The following DCC variants were observed in gnomAD, a reference collection of about 807,000 sequenced individuals.
DCC encodes netrin receptor DCC.
A neutral mutation model predicts 172.5 loss-of-function variants in DCC; 58 were observed. The ratio of observed to expected loss-of-function variants is 0.34; its 90% CI spans 0.27 to 0.42. DCC has a LOEUF of 0.42. Ranked by LOEUF, DCC falls within the 10% of genes least tolerant of loss-of-function variation. The pLI is 1.00. For missense variants in DCC, 1,740 were observed against 1,791.0 expected, an observed-to-expected ratio of 0.97 and a Z score of 0.51; for synonymous variants, 709 against 644.5, an observed-to-expected ratio of 1.10 and a Z score of -1.52.
chr18:52,752,976 G>A (rs2037020497), intron 2 of DCC, among the ~76,000 whole-genome samples: 1 of 150,032 alleles, frequency 6.7e-6, no homozygotes, highest in South Asian at 2.1e-4. Context: ...GTGTGTGTAT[G>A]TATATCATAT....
chr18:52,808,465 A>C lies in DCC; in HGVS notation c.412+56091A>C, dbSNP rs187652929. The stretch of plus-strand genomic sequence containing the variant: ...TCTCAATATCATAGATTGAACTATA[A>C]ATCTTGTCATGAAAAACAAAAGACA... On this transcript the variant is annotated intron_variant, in intron 2 of 28. Coordinates refer to ENST00000442544, the MANE Select transcript of DCC (RefSeq NM_005215.4). 1.4e-3 allele frequency among the ~76,000 whole-genome samples: 210 copies of C among 152,262 alleles called. 2 individuals carry two copies. The highest frequency in any genetic ancestry group is 2.4e-3 in the Non-Finnish European group (160 of 68,026).
At chr18:53,329,673 A>T (rs2057508814) in intron 14 of DCC, among the ~76,000 whole-genome samples, 1 of 152,196 alleles carries the variant, frequency 6.6e-6, no homozygotes, top group African/African-American at 2.4e-5. Context: ...GTTATTTCCA[A>T]ATCAATGAAT....
intron 2 of DCC, among the ~76,000 whole-genome samples, chr18:52,845,418 C>T (rs773350126): frequency 3.3e-5 from 5 of 152,200 alleles, no homozygotes; most frequent in Middle Eastern, 3.2e-3. Flanking sequence ...CATCATAATG[C>T]AATGCCTAGC....
At chr18:52,739,736 C>G (rs981140348) in intron 1 of DCC, among the ~76,000 whole-genome samples, 1 of 152,196 alleles carries the variant, frequency 6.6e-6, no homozygotes, top group Non-Finnish European at 1.5e-5. Context: ...ATGTGAATGC[C>G]GTCGGCACTG....
chr18:52,518,331 G>A (rs1470396790), intron 1 of DCC, among the ~76,000 whole-genome samples: 2 of 152,208 alleles, frequency 1.3e-5, no homozygotes, highest in Admixed American at 1.3e-4. Context: ...CCAAGGAAAG[G>A]TGGAACCCAG....
At chr18:53,093,159 G>A (rs1265728171) in intron 7 of DCC, among the ~76,000 whole-genome samples, 1 of 152,102 alleles carries the variant, frequency 6.6e-6, no homozygotes, top group African/African-American at 2.4e-5. Context: ...GTGCATGCCT[G>A]TAATCCCAGT....
At chr18:52,589,191 G>A (rs1568243310) in intron 1 of DCC, among the ~76,000 whole-genome samples, 1 of 152,120 alleles carries the variant, frequency 6.6e-6, no homozygotes, top group South Asian at 2.1e-4. Context: ...TTAGGATCTG[G>A]GGGGTCAGTG....
intron 1 of DCC, among the ~76,000 whole-genome samples, chr18:52,595,134 T>G (rs2033880644): frequency 6.6e-6 from 1 of 152,192 alleles, no homozygotes; most frequent in Non-Finnish European, 1.5e-5. Flanking sequence ...ACAAAAAAGT[T>G]ATGGTCCTTC....
At position 52,923,682 on chromosome 18, in the gene DCC, ATGATAC is replaced by A; in HGVS notation, c.698-22_698-17del. Reference sequence around the variant, plus strand: ...CTTTGCAATGTTTTTCATATATCATATGATACTGTGTTTTCCCCTCATAGATCCAGG... The same window carrying A: ...CTTTGCAATGTTTTTCATATATCATATGTGTTTTCCCCTCATAGATCCAGG... On this transcript the variant is annotated intron_variant, in intron 3 of 28. Transcript: ENST00000442544. The A allele has an allele frequency of 6.4e-7, 1 of 1,557,178 alleles. No homozygotes were observed. Among genetic ancestry groups the A allele is most frequent in the South Asian group, 1.1e-5 (1 of 89,866 alleles).
intron 1 of DCC, among the ~76,000 whole-genome samples, chr18:52,732,544 C>T (rs1292272909): frequency 2.0e-5 from 3 of 152,200 alleles, no homozygotes; most frequent in African/African-American, 7.2e-5. Context: ...TCTTTTCCCA[C>T]TGTCTATGGC....
At chr18:52,563,726 C>T (rs575051660) in intron 1 of DCC, among the ~76,000 whole-genome samples, 1 of 152,270 alleles carries the variant, frequency 6.6e-6, no homozygotes, top group South Asian at 2.1e-4. Context: ...TTCCCTGGAA[C>T]TATATAGAAC....
At chr18:52,420,613 G>A (rs1157100492) in intron 1 of DCC, among the ~76,000 whole-genome samples, 3 of 152,246 alleles carry the variant, frequency 2.0e-5, no homozygotes, top group Non-Finnish European at 1.5e-5. Flanking sequence ...CCCAGACAAG[G>A]CCAGAAATTT....
chr18:53,518,625 T>G (rs758864322), intron 27 of DCC, among the ~76,000 whole-genome samples: 3 of 152,152 alleles, frequency 2.0e-5, no homozygotes, highest in African/African-American at 7.2e-5. Flanking sequence ...CATTTTTATT[T>G]TTTCCTCTTA....
intron 20 of DCC, among the ~76,000 whole-genome samples, 195 bp from the exon 21 acceptor site, chr18:53,415,929 T>C (rs1009368880): frequency 6.6e-6 from 1 of 152,146 alleles, no homozygotes. Flanking sequence ...AGCAAAAACA[T>C]TATTTTCAAT....
At chr18:53,067,366 A>G (rs975466701) in intron 7 of DCC, among the ~76,000 whole-genome samples, 45 of 151,928 alleles carry the variant, frequency 3.0e-4, no homozygotes, top group Non-Finnish European at 4.9e-4. Flanking sequence ...ACTGAAAATA[A>G]AAAAAATATA....
intron 15 of DCC, among the ~76,000 whole-genome samples, chr18:53,347,708 A>C (rs927534305): frequency 6.6e-6 from 1 of 152,168 alleles, no homozygotes; most frequent in African/African-American, 2.4e-5. Flanking sequence ...GTTTAATTGG[A>C]CTTACAGTTC....
At chr18:53,088,772 C>T (rs148199826) in intron 7 of DCC, among the ~76,000 whole-genome samples, 28 of 152,204 alleles carry the variant, frequency 1.8e-4, no homozygotes, top group African/African-American at 6.5e-4. Flanking sequence ...CATAATGATG[C>T]CCTTTTTATT....
At chr18:53,185,638 A>G (rs2055268712) in intron 9 of DCC, among the ~76,000 whole-genome samples, 1 of 152,204 alleles carries the variant, frequency 6.6e-6, no homozygotes, top group South Asian at 2.1e-4. Context: ...TGGAGATCAC[A>G]GAGAACATTT....
intron 2 of DCC, among the ~76,000 whole-genome samples, chr18:52,808,539 A>G (rs1002825432): frequency 6.6e-6 from 1 of 152,214 alleles, no homozygotes; most frequent in African/African-American, 2.4e-5. Context: ...GTTAGAAAAG[A>G]AAAAATAAAA....
Sources: gnomAD v4.1 joint callset for allele counts (sites outside exome capture counted in the v4.1 genomes callset) on GRCh38, gnomAD v4.1.1 for gene constraint, MANE v1.5 for transcripts, NCBI Gene and HGNC (gene_info 2026-07-23, HGNC 2026-07-21) for gene names.